MGST1: variants seen among roughly 807,000 people sequenced by gnomAD.
MGST1 encodes the protein glutathione S-transferase 12.
MGST1 carries 5 observed loss-of-function variants against 8.9 expected under a neutral mutation model. The ratio of observed to expected loss-of-function variants is 0.56; its 90% CI spans 0.29 to 1.19. The LOEUF (loss-of-function observed/expected upper bound fraction) is 1.19. MGST1 is among the 50% of genes most tolerant of loss of function. The probability of loss-of-function intolerance (pLI) is 0.08; values close to 1 mark genes in which losing one functional copy is unlikely to be tolerated. For synonymous variants in MGST1, 54 were observed against 67.8 expected (o/e 0.80, Z 1.00); for missense variants, 182 against 187.4 (o/e 0.97, Z 0.17).
chr12:16,468,294 T>C (rs1226054139), intron 4 of MGST1, among the ~76,000 whole-genome samples: 1 of 152,250 alleles, frequency 6.6e-6, no homozygotes, highest in East Asian at 1.9e-4. Flanking sequence ...TACATATCTG[T>C]ATATACATAT....
At chr12:16,424,115 CT>C (rs1320427712) in intron 1 of MGST1, among the ~76,000 whole-genome samples, 18 of 152,166 alleles carry the variant, frequency 1.2e-4, no homozygotes, top group Non-Finnish European at 2.1e-4. Context: ...TTTATTCACC[CT>C]TGTGTCTTCT....
At chr12:16,382,672 A>G (rs1373979291), upstream of MGST1, among the ~76,000 whole-genome samples, 1 of 152,166 alleles carries the variant, frequency 6.6e-6, no homozygotes, top group Non-Finnish European at 1.5e-5. Context: ...AAGCTGTCAG[A>G]CAGGGACTTT....
At chr12:16,419,952 C>T (rs1307730437) in intron 1 of MGST1, among the ~76,000 whole-genome samples, 5 of 151,992 alleles carry the variant, frequency 3.3e-5, no homozygotes, top group Non-Finnish European at 7.4e-5. Context: ...TATTGGCAGC[C>T]GATGAAGGCT....
At chr12:16,590,823 C>A (rs903340308), downstream of MGST1, among the ~76,000 whole-genome samples, 1 of 151,942 alleles carries the variant, frequency 6.6e-6, no homozygotes, top group African/African-American at 2.4e-5. Flanking sequence ...CTATATCATC[C>A]CCCTTAGATT....
intron 4 of MGST1, among the ~76,000 whole-genome samples, chr12:16,461,433 C>T (rs1387241780): frequency 6.6e-6 from 1 of 152,100 alleles, no homozygotes; most frequent in Non-Finnish European, 1.5e-5. Flanking sequence ...AATGGTTTTC[C>T]AAGCACTTCT....
chr12:16,430,924 G>A (rs1408016776), intron 1 of MGST1, among the ~76,000 whole-genome samples: 1 of 152,196 alleles, frequency 6.6e-6, no homozygotes, highest in African/African-American at 2.4e-5. Context: ...ACAGAAGGCT[G>A]TTTGATATAC....
At chr12:16,357,270 T>C (rs908007618) in intron 2 of MGST1, among the ~76,000 whole-genome samples, 4 of 151,948 alleles carry the variant, frequency 2.6e-5, no homozygotes, top group African/African-American at 9.7e-5. Context: ...GTTTGTTTTC[T>C]TTTTTTTGAG....
At position 16,369,756 on chromosome 12, in the gene MGST1, A is replaced by T. The variant is rs1319566537; in HGVS notation, c.222-6366A>T. ...CTGGTGTTTTACAGAAAGTTTTCTG[A>T]TTCTTGCTCCAGTAGGTTAGCCTGA... is the stretch of plus-strand genomic sequence containing the variant. On this transcript the variant is annotated intron_variant, in intron 3 of 3. Coordinates refer to the MGST1 transcript ENST00000535309. This position sits in a 1 kb window ranked among gnomAD's most constrained non-coding sequence, Gnocchi z 4.8. The T allele has an allele frequency of 6.6e-6, 1 of 152,216 alleles. No individual in the cohort carries two copies. The highest frequency in any genetic ancestry group is 1.5e-5 in the Non-Finnish European group (1 of 68,038). 9.4% of individuals were successfully genotyped at this position (152,216 alleles called of 1,614,324 possible).
intron 4 of MGST1, among the ~76,000 whole-genome samples, chr12:16,493,859 C>T (rs1941454352): frequency 6.6e-6 from 1 of 152,092 alleles, no homozygotes; most frequent in East Asian, 1.9e-4. Context: ...TTTATGTCAG[C>T]TTGAACACAT....
In MGST1 at chr12:16,559,008, T is replaced by C. The variant is rs1942294465; in HGVS notation, n.483-30520T>C. ...AGCTAATATATGGTGGTGCTGAAAT[T>C]TGAATCCCGTTCTCACTAGAAATGT... On this transcript the variant is annotated intron_variant and non_coding_transcript_variant, in intron 4 of 4. Coordinates refer to the MGST1 transcript ENST00000538857. The surrounding 1 kb of genome is among the most constrained non-coding windows in gnomAD (Gnocchi z 4.1). Among the ~76,000 whole-genome samples, 1 of 152,148 alleles carries C rather than the reference T, an allele frequency of 6.6e-6. No individual in the cohort carries two copies. Among genetic ancestry groups the C allele is most frequent in the Admixed American group, 6.5e-5 (1 of 15,286 alleles).
At chr12:16,565,544 T>C (rs1302480224) in intron 4 of MGST1, among the ~76,000 whole-genome samples, 12 of 152,112 alleles carry the variant, frequency 7.9e-5, no homozygotes, top group Admixed American at 7.9e-4. Flanking sequence ...ATTATGAAAG[T>C]TAAAGAAAAG....
chr12:16,353,941 G>A (rs995800714), intron 1 of MGST1, among the ~76,000 whole-genome samples: 1 of 151,818 alleles, frequency 6.6e-6, no homozygotes, highest in African/African-American at 2.4e-5. Flanking sequence ...TGTATTTTTA[G>A]TAGAGATGGG....
rs1408735529 is a variant in MGST1, at chr12:16,410,669, CAAATATATAATAT to C, written n.779-26703_779-26691del. On this transcript the variant is annotated intron_variant and non_coding_transcript_variant, in intron 1 of 1. Transcript: ENST00000359720. This position sits in a 1 kb window ranked among gnomAD's most constrained non-coding sequence, Gnocchi z 4.4. ...TATATTATATATAAACATACATAAT[CAAATATATAATAT>C]AAATATATAATATAATATATAAATA... Among the ~76,000 whole-genome samples, 1 of 145,814 alleles carries C rather than the reference CAAATATATAATAT, an allele frequency of 6.9e-6. No individual in the cohort carries two copies. Among genetic ancestry groups the C allele is most frequent in the African/African-American group, 2.5e-5 (1 of 39,994 alleles).
chr12:16,447,434 T>C (rs1370786754), intron 4 of MGST1, among the ~76,000 whole-genome samples: 2 of 151,874 alleles, frequency 1.3e-5, no homozygotes, highest in African/African-American at 2.4e-5. Context: ...CCCTGTTGCC[T>C]TGTGGGAGAG....
chr12:16,421,858 CA>C (rs1182291694), intron 1 of MGST1, among the ~76,000 whole-genome samples: 5 of 152,166 alleles, frequency 3.3e-5, no homozygotes, highest in Non-Finnish European at 1.5e-5. Context: ...TTCCAGACTA[CA>C]GGGGTCCAAT....
At chr12:16,358,784 T>A (rs1393227079) in intron 3 of MGST1, among the ~76,000 whole-genome samples, 1 of 59,048 alleles carries the variant, frequency 1.7e-5, no homozygotes, top group Non-Finnish European at 4.9e-5. Flanking sequence ...CATTCCTTTT[T>A]TTTTTTTTTT....
chr12:16,386,176 G>A (rs1008751212), intron 1 of MGST1, among the ~76,000 whole-genome samples: 1 of 152,132 alleles, frequency 6.6e-6, no homozygotes, highest in Non-Finnish European at 1.5e-5. Context: ...AGCAGTTTGT[G>A]GTTTGGAAAT....
intron 4 of MGST1, among the ~76,000 whole-genome samples, chr12:16,483,662 A>C (rs1349809106): frequency 2.6e-5 from 4 of 152,200 alleles, no homozygotes; most frequent in Non-Finnish European, 5.9e-5. Context: ...AGTAATATAG[A>C]ACCATTTTAA....
In MGST1 at chr12:16,544,433, A is replaced by G. The variant is rs1346181384; in HGVS notation, n.483-45095A>G. ...ATATGTGGCTTGTTTCTTCTATTGA[A>G]TGTGTATTTACTTATATAGCATCAA... On this transcript the variant is annotated intron_variant and non_coding_transcript_variant, in intron 4 of 4. Transcript: ENST00000538857. This position sits in a 1 kb window ranked among gnomAD's most constrained non-coding sequence, Gnocchi z 4.8. 6.6e-6 allele frequency among the ~76,000 whole-genome samples: 1 copy of G among 152,098 alleles called. No homozygotes were observed. The highest frequency in any genetic ancestry group is 1.5e-5 in the Non-Finnish European group (1 of 67,982).
Sources: gnomAD v4.1 joint callset for allele counts (sites outside exome capture counted in the v4.1 genomes callset) on GRCh38, gnomAD v4.1.1 for gene constraint, Gnocchi (gnomAD v3.1) non-coding constraint, MANE v1.5 for transcripts, NCBI Gene and HGNC (gene_info 2026-07-23, HGNC 2026-07-21) for gene names.